Variants in NCKAP5 observed in about 807,000 individuals in gnomAD.
NCKAP5 encodes nck-associated protein 5.
Under a neutral mutation model 167.0 loss-of-function variants are expected in NCKAP5, and 92 were observed. The ratio of observed to expected loss-of-function variants is 0.55; its 90% confidence interval spans 0.47 to 0.66. NCKAP5 has a LOEUF of 0.66. Ranked by LOEUF, NCKAP5 falls within the 30% of genes least tolerant of loss-of-function variation. The pLI is 0.00. For missense variants in NCKAP5, 2,378 were observed against 2,315.0 expected, an observed-to-expected ratio of 1.03 and a Z score of -0.56; for synonymous variants, 891 against 877.4, an observed-to-expected ratio of 1.02 and a Z score of -0.27.
intron 11 of NCKAP5, among the ~76,000 whole-genome samples, chr2:132,821,670 C>T (rs1276973153): frequency 1.3e-5 from 2 of 152,122 alleles, no homozygotes. Flanking sequence ...GGGTAGCTCA[C>T]AGTCTGGGGC....
intron 3 of NCKAP5, among the ~76,000 whole-genome samples, chr2:133,414,935 C>T (rs574750135): frequency 6.6e-6 from 1 of 152,210 alleles, no homozygotes; most frequent in Non-Finnish European, 1.5e-5. Context: ...ATGGTCCCTT[C>T]AGTGGCCTGA....
chr2:133,549,566 T>C (rs1687086857), intron 2 of NCKAP5, among the ~76,000 whole-genome samples: 1 of 150,560 alleles, frequency 6.6e-6, no homozygotes, highest in East Asian at 1.9e-4. Flanking sequence ...AGACACAACA[T>C]ACCAGAATCT....
chr2:133,620,742 G>A, the NCKAP5 span, among the ~76,000 whole-genome samples: 1 of 152,030 alleles, frequency 6.6e-6, no homozygotes, highest in African/African-American at 2.4e-5. Context: ...AGAAACAATG[G>A]ACTTAAACTA....
intron 3 of NCKAP5, among the ~76,000 whole-genome samples, chr2:133,439,972 C>A (rs11896710): frequency 6.6e-6 from 1 of 152,036 alleles, no homozygotes; most frequent in Admixed American, 6.5e-5. Context: ...CTTTTGTAAG[C>A]GTTCCTCGGG....
intron 13 of NCKAP5, among the ~76,000 whole-genome samples, chr2:132,788,654 C>A (rs138506686): frequency 1.3e-5 from 2 of 152,140 alleles, no homozygotes; most frequent in Non-Finnish European, 2.9e-5. Context: ...AATTTCTCAT[C>A]GACTAGAGCC....
At chr2:132,794,223 C>CACAT (rs1553443700) in intron 12 of NCKAP5, among the ~76,000 whole-genome samples, 1 of 21,174 alleles carries the variant, frequency 4.7e-5, no homozygotes, top group African/African-American at 1.1e-4. Context: ...AATGTTTATA[C>CACAT]ATATATATAT....
chr2:132,770,631 T>C (rs1014711661), intron 16 of NCKAP5, among the ~76,000 whole-genome samples: 3 of 152,056 alleles, frequency 2.0e-5, no homozygotes, highest in Admixed American at 6.6e-5. Context: ...ATGGTTCAAA[T>C]GTACTTCCAT....
chr2:133,448,087 A>G (rs534573613), intron 3 of NCKAP5, among the ~76,000 whole-genome samples: 1 of 152,342 alleles, frequency 6.6e-6, no homozygotes, highest in South Asian at 2.1e-4. Flanking sequence ...TGGGCTGATC[A>G]TGTCCTAAGT....
At chr2:133,404,111 AT>A (rs1688275151) in intron 3 of NCKAP5, among the ~76,000 whole-genome samples, 1 of 152,194 alleles carries the variant, frequency 6.6e-6, no homozygotes, top group Non-Finnish European at 1.5e-5. Flanking sequence ...CTCTTAGAAT[AT>A]TCTGAATTGA....
At chr2:132,846,906 T>C (rs1012986705) in intron 11 of NCKAP5, among the ~76,000 whole-genome samples, 1 of 152,152 alleles carries the variant, frequency 6.6e-6, no homozygotes, top group African/African-American at 2.4e-5. Flanking sequence ...TTGTATACAC[T>C]ACCCATTTTA....
At chr2:132,999,942 C>G (rs2077725477) in intron 6 of NCKAP5, among the ~76,000 whole-genome samples, 1 of 152,202 alleles carries the variant, frequency 6.6e-6, no homozygotes, top group African/African-American at 2.4e-5. Context: ...ACACTGATAA[C>G]TGATAGGGTT....
intron 3 of NCKAP5, among the ~76,000 whole-genome samples, chr2:133,412,627 A>G (rs965494306): frequency 9.2e-5 from 14 of 152,148 alleles, no homozygotes; most frequent in African/African-American, 3.4e-4. Context: ...AAATCAATTA[A>G]CTGGACAAAA....
In NCKAP5 at chr2:132,784,286, C is replaced by T. The variant is rs1683348699; in HGVS notation, c.2525G>A (p.Gly842Glu). 1.2e-6 allele frequency: 2 copies of T among 1,613,090 alleles called. No homozygotes were observed. Among genetic ancestry groups the T allele is most frequent in the Non-Finnish European group, 1.7e-6 (2 of 1,179,664 alleles). ...TLEKSPALAP[G>E]KLSRFMKTES... ...AGTCTTCATGAATCGTGAGAGTTTC[C>T]CAGGAGCTAAGGCTGGTGATTTTTC... Residue 842 changes from glycine to glutamate, a missense_variant, in exon 14 of 20, where the codon GGG becomes GAG. Coordinates refer to ENST00000409261, the MANE Select transcript of NCKAP5 (RefSeq NM_207363.3).
chr2:133,349,501 A>G (rs771315358), intron 3 of NCKAP5, among the ~76,000 whole-genome samples: 1 of 152,230 alleles, frequency 6.6e-6, no homozygotes, highest in Non-Finnish European at 1.5e-5. Flanking sequence ...CACTTGACAA[A>G]GCGGAGAAAT....
Position 133,440,016 on chromosome 2 carries a change from C to T in NCKAP5, c.69+77442G>A, listed in dbSNP as rs78321398. ...TTCTATGTTAAACATTAGGATTTACCACAATAGACCTCACATTATTTGCTA... is the reference window on the plus strand; with the variant it reads ...TTCTATGTTAAACATTAGGATTTACTACAATAGACCTCACATTATTTGCTA... On this transcript the variant is annotated intron_variant, in intron 3 of 19. Transcript: ENST00000409261. 9.9e-3 allele frequency among the ~76,000 whole-genome samples: 1,500 copies of T among 152,224 alleles called. 29 individuals are homozygous for T. Among genetic ancestry groups the T allele is most frequent in the African/African-American group, 0.034 (1,402 of 41,514 alleles).
intron 4 of NCKAP5, among the ~76,000 whole-genome samples, chr2:133,298,246 G>A (rs143192069): frequency 6.6e-6 from 1 of 152,164 alleles, no homozygotes; most frequent in African/African-American, 2.4e-5. Context: ...TGCTATTATT[G>A]GAGTTCATTT....
chr2:132,793,325 T>C (rs1166284926), intron 12 of NCKAP5, among the ~76,000 whole-genome samples: 1 of 152,140 alleles, frequency 6.6e-6, no homozygotes, highest in Non-Finnish European at 1.5e-5. Context: ...CCTGATGTGA[T>C]GGCAGATACT....
intron 4 of NCKAP5, among the ~76,000 whole-genome samples, chr2:133,233,195 C>T (rs997887209): frequency 1.3e-5 from 2 of 152,134 alleles, no homozygotes; most frequent in Admixed American, 1.3e-4. Flanking sequence ...CTTCTTAATT[C>T]AGCATTATAT....
intron 5 of NCKAP5, among the ~76,000 whole-genome samples, chr2:133,158,903 T>C (rs1174772166): frequency 1.5e-5 from 2 of 133,262 alleles, no homozygotes; most frequent in Admixed American, 1.6e-4. Context: ...AGAAATACAA[T>C]GCATGGCTTG....
Sources: allele counts gnomAD v4.1 joint callset (sites outside exome capture counted in the v4.1 genomes callset), GRCh38; gene constraint gnomAD v4.1.1; transcripts MANE v1.5; gene names NCBI Gene and HGNC (gene_info 2026-07-23, HGNC 2026-07-21).